ALDH3A1: variants seen among roughly 807,000 people sequenced by gnomAD.
ALDH3A1 encodes the protein aldehyde dehydrogenase 3 family member A1.
ALDH3A1 carries 46 observed loss-of-function variants against 49.9 expected under a neutral mutation model. The ratio of observed to expected loss-of-function variants is 0.92; its 90% confidence interval spans 0.73 to 1.18. ALDH3A1 has a LOEUF of 1.18. ALDH3A1 is among the 50% of genes most tolerant of loss of function. ALDH3A1 has a pLI of 0.00. For synonymous variants in ALDH3A1, 269 were observed against 253.3 expected (o/e 1.06, Z -0.59); for missense variants, 592 against 611.8 (o/e 0.97, Z 0.34).
intron 5 of ALDH3A1, 98 bp from the exon 6 acceptor site, chr17:19,741,308 G>T: frequency 9.4e-7 from 1 of 1,065,550 alleles, no homozygotes. Flanking sequence ...GAAGCCATCG[G>T]CTGTGACCTT....
At chr17:19,745,999 G>T (rs1280457459) in intron 1 of ALDH3A1, among the ~76,000 whole-genome samples, 9 of 152,214 alleles carry the variant, frequency 5.9e-5, no homozygotes, top group African/African-American at 2.2e-4. Context: ...TTACTGTGCA[G>T]TATTTAGGGA....
rs1200863572 is a variant in ALDH3A1, at chr17:19,738,475, A to G, written c.1217-22T>C. On this transcript the variant is annotated intron_variant, in intron 9 of 10. Transcript: ENST00000225740. ...TTCCCTGCGGAGGAGAAGTAAGCAC[A>G]GGGCTCAGCATCCTGCCCCCAGGAC... The G allele has an allele frequency of 3.7e-6, 6 of 1,600,812 alleles. No homozygotes were observed. In the African/African-American group the frequency reaches 6.7e-5, roughly 18 times the overall value.
rs760289299 is a variant in ALDH3A1 at position 19,748,277 on chromosome 17, C to T, written c.-24G>A. ...GGATTACCTTTGACACAGCCTCTCC[C>T]GGTAACTGGGGCTCCTGGAACGGCA... is the stretch of plus-strand genomic sequence containing the variant. On this transcript the variant is annotated 5_prime_UTR_variant, in exon 1 of 11. Coordinates refer to ENST00000225740, the MANE Select transcript of ALDH3A1 (RefSeq NM_000691.5). The surrounding 1 kb of genome is among the most constrained non-coding windows in gnomAD (Gnocchi z 4.4). 5 of 512,430 alleles carry T rather than the reference C, an allele frequency of 9.8e-6. No individual in the cohort carries two copies. The highest frequency in any genetic ancestry group is 2.8e-5 in the South Asian group (2 of 70,508). The allele number at this position is 512,430 out of a possible 1,614,324, so 31.7% of individuals were successfully genotyped here. A position where few individuals can be genotyped will look rare whatever the true frequency, so the allele number is the denominator to read the frequency against.
At position 19,746,668 on chromosome 17, in the gene ALDH3A1, CGT is replaced by C. The variant is rs1183510826; in HGVS notation, c.-5-1536_-5-1535del. Among the ~76,000 whole-genome samples the C allele has an allele frequency of 2.9e-3, 404 of 141,230 alleles. 14 individuals are homozygous for C. In the East Asian group the frequency reaches 0.063, roughly 22 times the overall value. 92.7% of individuals were successfully genotyped at this position (141,230 alleles called of 152,430 possible). On this transcript the variant is annotated intron_variant, in intron 1 of 10. Transcript: ENST00000225740. ...GCGTGTGTGTGCATGTGTGTGTGTG[CGT>C]GTGTGTGCATGTGCGTGTGTGTGTG...
Position 19,739,669 on chromosome 17 carries a change from T to C in ALDH3A1, c.955A>G (p.Thr319Ala). The change falls in exon 8 of 11, where the codon ACC becomes GCC. Residue 319 changes from threonine (T) to alanine (A), a missense_variant. Coordinates refer to ENST00000225740, the MANE Select transcript of ALDH3A1 (RefSeq NM_000691.5). The stretch of plus-strand genomic sequence containing the variant: ...TGGGGGTCCACGTCCGTGAGGATGG[T>C]GGGGGCTGAGGCAGGAAACAAGCCA... ...GDAATRYIAP[T>A]ILTDVDPQSP... 1 of 1,613,464 alleles carries C rather than the reference T, an allele frequency of 6.2e-7. No homozygotes were observed. The highest frequency in any genetic ancestry group is 1.1e-5 in the South Asian group (1 of 90,978).
At position 19,743,191 on chromosome 17, in the gene ALDH3A1, G is replaced by A. The variant is rs536106180; in HGVS notation, c.394+41C>T. 29 of 1,609,744 alleles carry A rather than the reference G, an allele frequency of 1.8e-5. No individual in the cohort carries two copies. The highest frequency in any genetic ancestry group is 1.4e-4 in the South Asian group (13 of 90,678). On this transcript the variant is annotated intron_variant, in intron 3 of 10. Transcript: ENST00000225740. This position sits in a 1 kb window ranked among gnomAD's most constrained non-coding sequence, Gnocchi z 4.4. ...ATCCTGGCTTGGCTCCACGCTGGGG[G>A]ACGGTGCTCCCCCAGCTTCCCTTCC...
At position 19,742,634 on chromosome 17, in the gene ALDH3A1, C is replaced by T; in HGVS notation, c.395-4G>A. 1 of 1,613,926 alleles carries T rather than the reference C, an allele frequency of 6.2e-7. No individual in the cohort carries two copies. The highest frequency in any genetic ancestry group is 8.5e-7 in the Non-Finnish European group (1 of 1,180,006). ...GGCTTGAGGACCACTGAGTTCCCTG[C>T]AGAGCACACCGAGCCAGGCCTATGC... On this transcript the variant is annotated splice_region_variant and splice_polypyrimidine_tract_variant and intron_variant, in intron 3 of 10. Coordinates refer to ENST00000225740, the MANE Select transcript of ALDH3A1 (RefSeq NM_000691.5).
Position 19,742,831 on chromosome 17 carries a change from C to A in ALDH3A1, c.395-201G>T, listed in dbSNP as rs141944650. 2 of 1,533,270 alleles carry A rather than the reference C, an allele frequency of 1.3e-6. 1 individual carries two copies. Among genetic ancestry groups the A allele is most frequent in the South Asian group, 2.4e-5 (2 of 83,200 alleles). The allele number at this position is 1,533,270 out of a possible 1,614,324, so 95.0% of individuals were successfully genotyped here. A position where few individuals can be genotyped will look rare whatever the true frequency, so the allele number is the denominator to read the frequency against. ...TGACAGAGGGACACACACGGGCACA[C>A]GCTGGCCAGAGCTGCACCACCTGGC... On this transcript the variant is annotated intron_variant, in intron 3 of 10. Transcript: ENST00000225740.
At position 19,739,658 on chromosome 17, in the gene ALDH3A1, C is replaced by A; in HGVS notation, c.966G>T (p.Thr322=). The A allele has an allele frequency of 1.9e-6, 3 of 1,613,696 alleles. No individual in the cohort carries two copies. The highest frequency in any genetic ancestry group is 2.5e-6 in the Non-Finnish European group (3 of 1,179,878). Residue 322 remains threonine, a synonymous_variant, in exon 8 of 11, where the codon ACG becomes ACT. Coordinates refer to ENST00000225740, the MANE Select transcript of ALDH3A1 (RefSeq NM_000691.5). ...TCACCGGGGACTGGGGGTCCACGTCCGTGAGGATGGTGGGGGCTGAGGCAG... is the reference window on the plus strand; with the variant it reads ...TCACCGGGGACTGGGGGTCCACGTCAGTGAGGATGGTGGGGGCTGAGGCAG... ...ATRYIAPTIL[T]DVDPQSPVMQ...
rs138392076 is a variant in ALDH3A1 at position 19,743,377 on chromosome 17, C to T, written c.249G>A (p.Ala83=). Residue 83 remains alanine, a synonymous_variant, in exon 3 of 11, where the codon GCG becomes GCA. Coordinates refer to ENST00000225740, the MANE Select transcript of ALDH3A1 (RefSeq NM_000691.5). The surrounding 1 kb of genome is among the most constrained non-coding windows in gnomAD (Gnocchi z 4.4). ...YMIQKLPEWA[A]DEPVEKTPQT... ...GGGGCGTCTTCTCCACGGGCTCATC[C>T]GCGGCCCACTCAGGGAGCTTCTGGA... 317 of 1,614,170 alleles carry T rather than the reference C, an allele frequency of 2.0e-4. No homozygotes were observed. The highest frequency in any genetic ancestry group is 8.3e-5 in the Admixed American group (5 of 60,020).
At position 19,743,709 on chromosome 17, in the gene ALDH3A1, G is replaced by C; in HGVS notation, c.163-246C>G. On this transcript the variant is annotated intron_variant, in intron 2 of 10. Transcript: ENST00000225740. This position sits in a 1 kb window ranked among gnomAD's most constrained non-coding sequence, Gnocchi z 4.4. Reference sequence around the variant, plus strand: ...GTTTGCGGCCCCAGGGGAGAGAGCCGGTGAAGGGACCAGGCATGGGCAACG... The same window carrying C: ...GTTTGCGGCCCCAGGGGAGAGAGCCCGTGAAGGGACCAGGCATGGGCAACG... 1.0e-6 allele frequency: 1 copy of C among 985,256 alleles called. No homozygotes were observed. Among genetic ancestry groups the C allele is most frequent in the Non-Finnish European group, 1.2e-6 (1 of 829,880 alleles). 61.0% of individuals were successfully genotyped at this position (985,256 alleles called of 1,614,324 possible).
At chr17:19,742,988 C>A in intron 3 of ALDH3A1, 2 of 1,529,998 alleles carry the variant, frequency 1.3e-6, no homozygotes, top group Non-Finnish European at 1.7e-6. Context: ...AAGCTCCAGC[C>A]CCCCAACAGG....
At chr17:19,742,878 G>A (rs771162561) in intron 3 of ALDH3A1, 26 of 1,530,296 alleles carry the variant, frequency 1.7e-5, no homozygotes, top group Non-Finnish European at 2.2e-5. Context: ...CTGAGATGTT[G>A]GAGGAAAAGC....
intron 5 of ALDH3A1, 64 bp downstream of exon 5, chr17:19,741,940 G>A: frequency 1.3e-6 from 2 of 1,495,234 alleles, no homozygotes; most frequent in Non-Finnish European, 9.2e-7. Context: ...AGCATGAGGT[G>A]CAGTCATGTG....
chr17:19,739,052 G>T lies in ALDH3A1; in HGVS notation c.1160C>A (p.Ala387Glu). The part of the protein sequence containing the change: ...MIAETSSGGV[A>E]ANDVIVHITL... ...GATGTGGACGATGACATCGTTGGCC[G>T]CCACCCCACCACTGGATGTCTCTGC... The change falls in exon 9 of 11, where the codon GCG (alanine) becomes GAG (glutamate). Residue 387 changes from alanine to glutamate, a missense_variant. By Grantham distance (107) the Ala-to-Glu change is moderately radical. Transcript: ENST00000225740. The T allele has an allele frequency of 6.2e-7, 1 of 1,613,844 alleles. No homozygotes were observed.
intron 8 of ALDH3A1, 121 bp from the exon 9 acceptor site, chr17:19,739,216 TTA>T: frequency 2.2e-6 from 2 of 924,268 alleles, no homozygotes; most frequent in Non-Finnish European, 3.3e-6. Context: ...AGGCAGAGCC[TTA>T]GCCTCCATCT....
chr17:19,741,059 T>A, intron 6 of ALDH3A1, 34 bp downstream of exon 6: 1 of 1,560,966 alleles, frequency 6.4e-7, no homozygotes. Flanking sequence ...CCTTACAGCC[T>A]CTCATCCCAC....
At chr17:19,742,278 G>A (rs2086509710) in intron 4 of ALDH3A1, 66 bp from the exon 5 acceptor site, 2 of 1,544,032 alleles carry the variant, frequency 1.3e-6, no homozygotes, top group South Asian at 2.3e-5. Flanking sequence ...TGCAAGTGTG[G>A]GTGAGTTGCA....
rs1405692187 is a variant in ALDH3A1 at position 19,743,835 on chromosome 17, T to C, written c.163-372A>G. 2 of 829,792 alleles carry C rather than the reference T, an allele frequency of 2.4e-6. No individual in the cohort carries two copies. The highest frequency in any genetic ancestry group is 2.9e-6 in the Non-Finnish European group (2 of 693,360). 51.4% of individuals were successfully genotyped at this position (829,792 alleles called of 1,614,324 possible). A position where few individuals can be genotyped will look rare whatever the true frequency, so the allele number is the denominator to read the frequency against. On this transcript the variant is annotated intron_variant, in intron 2 of 10. Coordinates refer to ENST00000225740, the MANE Select transcript of ALDH3A1 (RefSeq NM_000691.5). The surrounding 1 kb of genome is among the most constrained non-coding windows in gnomAD (Gnocchi z 4.4). ...GGGGGATGGATCCGGGGAGGGGGGA[T>C]AGATTCGGGCACTGGGAGCTGGATC...
Sources: gnomAD v4.1 joint callset for allele counts (sites outside exome capture counted in the v4.1 genomes callset) on GRCh38, gnomAD v4.1.1 for gene constraint, Gnocchi (gnomAD v3.1) non-coding constraint, MANE v1.5 for transcripts, NCBI Gene and HGNC (gene_info 2026-07-23, HGNC 2026-07-21) for gene names.